TMEM131: variants seen among roughly 807,000 people sequenced by gnomAD.
TMEM131 encodes 2610524E03Rik.
In TMEM131, 66 loss-of-function variants were observed where a neutral mutation model predicts 211.6. That is an observed-to-expected ratio of 0.31 (90% confidence interval 0.26 to 0.38). TMEM131 has a LOEUF of 0.38. Among genes scored for constraint, TMEM131 ranks in the 10% least tolerant of loss-of-function variants. The pLI is 1.00. For missense variants in TMEM131, 2,036 were observed against 2,299.3 expected (o/e 0.89, Z 2.34); for synonymous variants, 844 against 841.3 (o/e 1.00, Z -0.06).
intron 31 of TMEM131, among the ~76,000 whole-genome samples, chr2:97,789,462 G>A (rs538590487): frequency 6.6e-6 from 1 of 152,330 alleles, no homozygotes; most frequent in South Asian, 2.1e-4. Flanking sequence ...ATGATGTGGG[G>A]AGTAACTGTT....
intron 11 of TMEM131, among the ~76,000 whole-genome samples, chr2:97,828,489 T>C (rs919635530): frequency 6.6e-6 from 1 of 152,242 alleles, no homozygotes; most frequent in Non-Finnish European, 1.5e-5. Context: ...AGATGGCCAC[T>C]GCTACAGGAA....
chr2:97,901,014 T>C (rs1178598736), intron 3 of TMEM131, among the ~76,000 whole-genome samples: 1 of 152,194 alleles, frequency 6.6e-6, no homozygotes, highest in East Asian at 1.9e-4. Flanking sequence ...TCTAAACATA[T>C]ACATTCAACA....
At chr2:97,989,239 GTAAA>G (rs1387109083) in intron 1 of TMEM131, among the ~76,000 whole-genome samples, 1 of 146,210 alleles carries the variant, frequency 6.8e-6, no homozygotes, top group Non-Finnish European at 1.5e-5. Context: ...TTCAATGGTT[GTAAA>G]TAAATTCTCA....
chr2:97,793,663 G>C, intron 29 of TMEM131, 110 bp from the exon 30 acceptor site: 1 of 1,147,366 alleles, frequency 8.7e-7, no homozygotes, highest in Non-Finnish European at 1.2e-6. Context: ...TGATGTAATA[G>C]AAAACCAAGT....
chr2:97,883,650 T>A (rs992965302), intron 4 of TMEM131, among the ~76,000 whole-genome samples: 3 of 152,214 alleles, frequency 2.0e-5, no homozygotes, highest in South Asian at 4.1e-4. Flanking sequence ...AAGGAAATAG[T>A]CATGGTTGTG....
At chr2:97,990,506 C>G (rs1680215961) in intron 1 of TMEM131, among the ~76,000 whole-genome samples, 1 of 152,166 alleles carries the variant, frequency 6.6e-6, no homozygotes, top group Admixed American at 6.5e-5. Flanking sequence ...TTTACCAGCC[C>G]TATCACGCTG....
At chr2:97,888,985 T>C (rs746196034) in intron 3 of TMEM131, among the ~76,000 whole-genome samples, 6 of 152,292 alleles carry the variant, frequency 3.9e-5, no homozygotes, top group East Asian at 1.9e-4. Context: ...TGAAATGATA[T>C]AGTAATTTCA....
At chr2:97,916,511 TCTCTC>T (rs1244284129) in intron 2 of TMEM131, among the ~76,000 whole-genome samples, 4 of 152,324 alleles carry the variant, frequency 2.6e-5, no homozygotes, top group Admixed American at 1.3e-4. Flanking sequence ...CCCACCCACT[TCTCTC>T]TTCAGCCACA....
At chr2:97,943,285 A>G (rs1347494403) in intron 1 of TMEM131, among the ~76,000 whole-genome samples, 14 of 152,188 alleles carry the variant, frequency 9.2e-5, no homozygotes, top group Admixed American at 3.3e-4. Flanking sequence ...AAAACTCAAG[A>G]GAAAACATCA....
At chr2:97,972,490 G>GGGCAGGCA (rs1348797017) in intron 1 of TMEM131, among the ~76,000 whole-genome samples, 2 of 149,784 alleles carry the variant, frequency 1.3e-5, no homozygotes, top group Admixed American at 6.6e-5. Context: ...GAGGGAAGGC[G>GGGCAGGCA]GGCAGGCAGG....
At chr2:97,890,575 T>C (rs1422757050) in intron 3 of TMEM131, among the ~76,000 whole-genome samples, 3 of 152,220 alleles carry the variant, frequency 2.0e-5, no homozygotes, top group African/African-American at 2.4e-5. Context: ...GGAGATGTCA[T>C]AAAGTAACTA....
rs766758966 is a variant in TMEM131 at position 97,801,952 on chromosome 2, C to T, written c.2661G>A (p.Leu887=). The T allele has an allele frequency of 2.4e-5, 39 of 1,607,598 alleles. No homozygotes were observed. Among genetic ancestry groups the T allele is most frequent in the Non-Finnish European group, 3.2e-5 (38 of 1,176,654 alleles). ...FVDKLVSRFN[L]SKVAKIDLRT... Reference sequence around the variant, plus strand: ...TCAAATCTATCTTTGCCACCTTACTCAAGTTAAACCTAAAACAAAAAATGT... The same window carrying T: ...TCAAATCTATCTTTGCCACCTTACTTAAGTTAAACCTAAAACAAAAAATGT... The change falls in exon 25 of 41, where the codon TTG becomes TTA. Residue 887 remains leucine, a synonymous_variant. Coordinates refer to ENST00000186436, the MANE Select transcript of TMEM131 (RefSeq NM_015348.2).
chr2:97,810,027 C>A (rs1035262662), intron 18 of TMEM131, among the ~76,000 whole-genome samples: 2 of 151,778 alleles, frequency 1.3e-5, no homozygotes, highest in East Asian at 1.9e-4. Flanking sequence ...GACTAAACAA[C>A]GGGGAAGCAA....
At chr2:97,947,960 G>A (rs1246709321) in intron 1 of TMEM131, among the ~76,000 whole-genome samples, 1 of 152,012 alleles carries the variant, frequency 6.6e-6, no homozygotes, top group African/African-American at 2.4e-5. Flanking sequence ...AAGTCATGCT[G>A]GTACAAATGA....
At chr2:97,978,273 C>A (rs1260087234) in intron 1 of TMEM131, among the ~76,000 whole-genome samples, 1 of 152,148 alleles carries the variant, frequency 6.6e-6, no homozygotes, top group African/African-American at 2.4e-5. Flanking sequence ...GTTGATAATA[C>A]CCTGAATCCT....
intron 1 of TMEM131, among the ~76,000 whole-genome samples, chr2:97,995,085 T>C (rs1202738696): frequency 6.6e-6 from 1 of 152,252 alleles, no homozygotes; most frequent in Admixed American, 6.5e-5. Context: ...TGTGTCTCGC[T>C]ATTTTTACCA....
chr2:97,833,233 T>G, intron 11 of TMEM131, 132 bp downstream of exon 11: 1 of 540,236 alleles, frequency 1.9e-6, no homozygotes, highest in Non-Finnish European at 3.3e-6. Flanking sequence ...ACATCACACT[T>G]AGAACCAAAG....
In TMEM131 at chr2:97,757,096, A is replaced by T. The variant is rs1424878402; in HGVS notation, c.*3T>A. ...CACTATGTTTGTTTGTTTTTTGCTTAATTTAATTCTCGTGAGGAAAGTGCG... is the reference window on the plus strand; with the variant it reads ...CACTATGTTTGTTTGTTTTTTGCTTTATTTAATTCTCGTGAGGAAAGTGCG... On this transcript the variant is annotated 3_prime_UTR_variant, in exon 41 of 41. Coordinates refer to ENST00000186436, the MANE Select transcript of TMEM131 (RefSeq NM_015348.2). The T allele has an allele frequency of 4.4e-6, 7 of 1,574,726 alleles. No individual in the cohort carries two copies. In the Admixed American group the frequency reaches 7.4e-5, roughly 17 times the overall value.
At chr2:97,890,802 TAA>T (rs1047339549) in intron 3 of TMEM131, among the ~76,000 whole-genome samples, 5 of 152,202 alleles carry the variant, frequency 3.3e-5, no homozygotes, top group African/African-American at 4.8e-5. Flanking sequence ...AATCCTTAGA[TAA>T]GTTTTATTTT....
Sources: allele counts gnomAD v4.1 joint callset (sites outside exome capture counted in the v4.1 genomes callset), GRCh38; gene constraint gnomAD v4.1.1; transcripts MANE v1.5; gene names NCBI Gene and HGNC (gene_info 2026-07-23, HGNC 2026-07-21).